The following MGAT4C variants were observed in gnomAD, a reference collection of about 807,000 sequenced individuals.
MGAT4C encodes the protein alpha-1,3-mannosyl-glycoprotein 4-beta-N-acetylglucosaminyltransferase C.
MGAT4C carries 19 observed loss-of-function variants against 40.1 expected under a neutral mutation model. The ratio of observed to expected loss-of-function variants is 0.47; its 90% CI spans 0.33 to 0.70. The LOEUF (loss-of-function observed/expected upper bound fraction) is 0.70, where lower values mean the gene tolerates loss of function less well. Among genes scored for constraint, MGAT4C ranks in the 30% least tolerant of loss-of-function variants. MGAT4C has a pLI of 0.02. For missense variants in MGAT4C, 491 were observed against 563.2 expected, an observed-to-expected ratio of 0.87 and a Z score of 1.30; for synonymous variants, 181 against 187.1, an observed-to-expected ratio of 0.97 and a Z score of 0.27.
At chr12:86,383,548 T>C (rs1565721221) in intron 3 of MGAT4C, among the ~76,000 whole-genome samples, 1 of 10,328 alleles carries the variant, frequency 9.7e-5, no homozygotes. Flanking sequence ...ACACTTCGTC[T>C]CAAAAAAAAA....
rs1430748101 is a variant in MGAT4C at position 86,033,741 on chromosome 12, A to C, written c.-7+15933T>G. 2.0e-5 allele frequency among the ~76,000 whole-genome samples: 3 copies of C among 149,214 alleles called. 1 individual carries two copies. The highest frequency in any genetic ancestry group is 3.0e-5 in the Non-Finnish European group (2 of 66,538). On this transcript the variant is annotated intron_variant, in intron 2 of 4. Transcript: ENST00000611864. ...CCTCTCTTTCAATTACTATGCCTTT[A>C]TTTCTTTCTTTTGCCTGATTACTCT...
chr12:86,838,212 T>C (rs1414784891), intron 1 of MGAT4C, among the ~76,000 whole-genome samples: 1 of 152,170 alleles, frequency 6.6e-6, no homozygotes, highest in Non-Finnish European at 1.5e-5. Context: ...TTATGTATCA[T>C]ACGCATCCAT....
chr12:86,802,319 T>C (rs1372836722), intron 1 of MGAT4C, among the ~76,000 whole-genome samples: 1 of 151,980 alleles, frequency 6.6e-6, no homozygotes. Flanking sequence ...GCATACTGTG[T>C]TAGATACTCA....
intron 4 of MGAT4C, 114 bp from the exon 5 acceptor site, chr12:85,980,544 A>G (rs1224845914): frequency 2.2e-6 from 2 of 907,132 alleles, no homozygotes; most frequent in African/African-American, 3.4e-5. Flanking sequence ...AAGTAAATCT[A>G]GTAAATGACT....
At chr12:86,517,681 C>G (rs1005267114) in intron 2 of MGAT4C, among the ~76,000 whole-genome samples, 4 of 152,166 alleles carry the variant, frequency 2.6e-5, no homozygotes, top group African/African-American at 9.7e-5. Flanking sequence ...GAGTCTTGCT[C>G]TGTCCCCAGG....
At chr12:86,321,938 G>A (rs1406339674) in intron 4 of MGAT4C, among the ~76,000 whole-genome samples, 4 of 151,960 alleles carry the variant, frequency 2.6e-5, no homozygotes, top group African/African-American at 9.7e-5. Context: ...GTTTATTGTG[G>A]CACTATTCAC....
At position 86,045,091 on chromosome 12, in the gene MGAT4C, C is replaced by T. The variant is rs114610940; in HGVS notation, c.-7+4583G>A. On this transcript the variant is annotated intron_variant, in intron 2 of 4. Transcript: ENST00000611864. ...TTGGCCCAGGGTCTGTGTCCTCCTT[C>T]TGTCCACCCTCAATGCCTTCCCTCT... Among the ~76,000 whole-genome samples, 1,080 of 152,232 alleles carry T rather than the reference C, an allele frequency of 7.1e-3. 14 individuals carry two copies. Among genetic ancestry groups the T allele is most frequent in the African/African-American group, 0.024 (1,005 of 41,538 alleles).
At chr12:86,012,060 T>A (rs1888511580) in intron 2 of MGAT4C, among the ~76,000 whole-genome samples, 1 of 152,200 alleles carries the variant, frequency 6.6e-6, no homozygotes. Flanking sequence ...GAGTTGATTG[T>A]TACAGATTAG....
At chr12:86,004,527 C>A (rs577438277) in intron 2 of MGAT4C, among the ~76,000 whole-genome samples, 1 of 152,222 alleles carries the variant, frequency 6.6e-6, no homozygotes, top group African/African-American at 2.4e-5. Context: ...CATAATGCTT[C>A]ATGATGGTGT....
chr12:86,116,259 C>T (rs1256908805), intron 1 of MGAT4C, among the ~76,000 whole-genome samples: 1 of 151,758 alleles, frequency 6.6e-6, no homozygotes, highest in Non-Finnish European at 1.5e-5. Context: ...CATAATCTGA[C>T]TTATGCATTA....
chr12:86,522,795 A>G (rs1958817996), intron 2 of MGAT4C, among the ~76,000 whole-genome samples: 2 of 152,108 alleles, frequency 1.3e-5, no homozygotes, highest in South Asian at 4.1e-4. Context: ...GGTGTGTTCA[A>G]GATTCAACTT....
intron 3 of MGAT4C, among the ~76,000 whole-genome samples, chr12:86,343,652 T>G (rs1338708012): frequency 2.0e-5 from 3 of 152,170 alleles, no homozygotes; most frequent in Non-Finnish European, 4.4e-5. Flanking sequence ...GGATTCCAGA[T>G]ACATACATGA....
chr12:86,671,068 A>G (rs1219400627), intron 2 of MGAT4C, among the ~76,000 whole-genome samples: 2 of 152,230 alleles, frequency 1.3e-5, no homozygotes, highest in Non-Finnish European at 2.9e-5. Flanking sequence ...ATTGCTGAAA[A>G]TGTCAAATGC....
In MGAT4C at chr12:86,439,238, C is replaced by A. The variant is rs1382809460; in HGVS notation, c.-228-3973G>T. ...ACACATAACAAACCACAAAGCAATT[C>A]TCAATAAATTTTAAAAACTTGAAAC... On this transcript the variant is annotated intron_variant, in intron 2 of 7. Coordinates refer to the MGAT4C transcript ENST00000548651. 2.0e-5 allele frequency among the ~76,000 whole-genome samples: 3 copies of A among 151,962 alleles called. No homozygotes were observed. The South Asian group carries it at 6.2e-4, about 31-fold the overall frequency.
At chr12:86,093,363 A>G (rs766132359) in intron 1 of MGAT4C, among the ~76,000 whole-genome samples, 4 of 152,120 alleles carry the variant, frequency 2.6e-5, no homozygotes, top group African/African-American at 9.7e-5. Context: ...CCAGGATTCT[A>G]TCTAATACTT....
chr12:86,708,310 C>T lies in MGAT4C; in HGVS notation c.-229+18899G>A, dbSNP rs1227567338. Among the ~76,000 whole-genome samples the T allele has an allele frequency of 2.0e-5, 3 of 152,324 alleles. No homozygotes were observed. The East Asian group carries it at 5.8e-4, about 29-fold the overall frequency. On this transcript the variant is annotated intron_variant, in intron 2 of 7. Transcript: ENST00000548651. ...AAGTGGTGTGGAGCCTGCAGGAGCA[C>T]AGAAGTCAAGAATTGGGATTTGGGA... is the stretch of plus-strand genomic sequence containing the variant.
rs1429721009 is a variant in MGAT4C at position 85,960,654 on chromosome 12, C to T, written c.*18635G>A. ...TTATCCTCTCCTTGGAAATATCTTT[C>T]AAAGTGGGTAATGAGAAAACTACTT... is the stretch of plus-strand genomic sequence containing the variant. On this transcript the variant is annotated 3_prime_UTR_variant, in exon 5 of 5. Transcript: ENST00000611864. The T allele has an allele frequency of 6.6e-6, 1 of 151,854 alleles. No individual in the cohort carries two copies. The highest frequency in any genetic ancestry group is 1.5e-5 in the Non-Finnish European group (1 of 67,858). The allele number at this position is 151,854 out of a possible 1,614,324, so 9.4% of individuals were successfully genotyped here.
intron 2 of MGAT4C, among the ~76,000 whole-genome samples, chr12:86,476,574 T>C (rs1484967215): frequency 1.3e-5 from 2 of 152,038 alleles, no homozygotes; most frequent in African/African-American, 4.8e-5. Flanking sequence ...ATCCCACTCC[T>C]GGGTTTATAT....
intron 2 of MGAT4C, among the ~76,000 whole-genome samples, chr12:86,464,103 C>T (rs1239044426): frequency 6.6e-6 from 1 of 152,058 alleles, no homozygotes; most frequent in Non-Finnish European, 1.5e-5. Flanking sequence ...TTCACAGGTA[C>T]TGCCATACTG....
Sources: allele counts gnomAD v4.1 joint callset (sites outside exome capture counted in the v4.1 genomes callset), GRCh38; gene constraint gnomAD v4.1.1; transcripts MANE v1.5; gene names NCBI Gene and HGNC (gene_info 2026-07-23, HGNC 2026-07-21).